IRAG2: variants seen among roughly 807,000 people sequenced by gnomAD.
IRAG2 encodes the protein inositol 1,4,5-triphosphate receptor associated 2.
Under a neutral mutation model 69.9 loss-of-function variants are expected in IRAG2, and 45 were observed. The observed-to-expected ratio is 0.64, with a 90% CI of 0.51 to 0.83. The LOEUF (loss-of-function observed/expected upper bound fraction) is 0.83. Among genes scored for constraint, IRAG2 ranks in the 40% least tolerant of loss-of-function variants. The probability of loss-of-function intolerance (pLI) is 0.00; values close to 1 mark genes in which losing one functional copy is unlikely to be tolerated. For missense variants in IRAG2, 520 were observed against 587.0 expected (o/e 0.89, Z 1.18); for synonymous variants, 193 against 202.4 (o/e 0.95, Z 0.40).
chr12:25,066,604 G>A (rs748059149), intron 5 of IRAG2, 92 bp downstream of exon 5: 1 of 395,954 alleles, frequency 2.5e-6, no homozygotes, highest in African/African-American at 2.1e-5. Context: ...TTCATAACGT[G>A]AGATCACATC....
chr12:25,070,566 A>C (rs1351434642), intron 6 of IRAG2, among the ~76,000 whole-genome samples: 1 of 151,984 alleles, frequency 6.6e-6, no homozygotes, highest in Admixed American at 6.6e-5. Flanking sequence ...AGTTGTTTTT[A>C]CTTTTTGGCT....
intron 1 of IRAG2, among the ~76,000 whole-genome samples, chr12:25,057,476 C>T (rs1052790135): frequency 6.6e-6 from 1 of 152,068 alleles, no homozygotes; most frequent in African/African-American, 2.4e-5. Context: ...CTAGGCTGGT[C>T]TCAAACTCCT....
At chr12:25,030,202 C>T in intron 9 of IRAG2, 2 of 959,752 alleles carry the variant, frequency 2.1e-6, no homozygotes, top group Non-Finnish European at 1.4e-6. Flanking sequence ...AAACATCTTA[C>T]TGGAATGATT....
intron 10 of IRAG2, among the ~76,000 whole-genome samples, chr12:25,087,236 C>T (rs755961952): frequency 6.9e-5 from 9 of 129,968 alleles, no homozygotes; most frequent in East Asian, 4.8e-4. Flanking sequence ...GGCATGATCT[C>T]GGTTCACTGC....
intron 2 of IRAG2, among the ~76,000 whole-genome samples, chr12:25,007,122 C>T (rs1944439396): frequency 6.6e-6 from 1 of 152,080 alleles, no homozygotes; most frequent in Admixed American, 6.6e-5. Context: ...TATGATGAAT[C>T]CTTATGTATT....
chr12:25,006,458 AC>A (rs1944430864), intron 2 of IRAG2: 1 of 152,248 alleles, frequency 6.6e-6, no homozygotes, highest in Admixed American at 6.5e-5. Context: ...AGTAGAAAAG[AC>A]ATGGAATCAA....
upstream of IRAG2, among the ~76,000 whole-genome samples, chr12:25,049,838 C>A (rs992970398): frequency 2.6e-5 from 4 of 151,874 alleles, no homozygotes; most frequent in Admixed American, 6.6e-5. Flanking sequence ...AAAAAATTAG[C>A]CAGGCATAGT....
chr12:25,025,493 T>C (rs1056743115), intron 8 of IRAG2, among the ~76,000 whole-genome samples: 5 of 152,090 alleles, frequency 3.3e-5, no homozygotes, highest in African/African-American at 1.2e-4. Context: ...CTAAGGACTC[T>C]GTCTTTTTTT....
In IRAG2 at chr12:25,106,946, TA is replaced by T; in HGVS notation, c.1155del (p.Asp386MetfsTer11). On this transcript the variant is annotated frameshift_variant, in exon 21 of 22. Coordinates refer to ENST00000556887, the MANE Select transcript of IRAG2 (RefSeq NM_001366544.2). LOFTEE classifies it high-confidence loss of function. Reference protein sequence around the residue: ...AEEEKCELKTKDDSEPSGEET... With the variant: ...AEEEKCELKTXDDSEPSGEET... ...TAAAAACAACATTTATTTACAGAAC[TA>T]AAGATGACTCAGAGCCATCTGGAGA... is the stretch of plus-strand genomic sequence containing the variant. The T allele has an allele frequency of 1.3e-6, 2 of 1,532,398 alleles. No homozygotes were observed. Among genetic ancestry groups the T allele is most frequent in the Non-Finnish European group, 9.0e-7 (1 of 1,116,720 alleles). The allele number at this position is 1,532,398 out of a possible 1,614,324, so 94.9% of individuals were successfully genotyped here.
chr12:25,081,155 C>G (rs1216123850), intron 9 of IRAG2, among the ~76,000 whole-genome samples: 2 of 151,178 alleles, frequency 1.3e-5, no homozygotes, highest in African/African-American at 2.5e-5. Context: ...AATGTGGTCT[C>G]TCTCTCTCTC....
At chr12:25,035,850 G>T in intron 14 of IRAG2, 1 of 398,404 alleles carries the variant, frequency 2.5e-6, no homozygotes, top group Non-Finnish European at 4.4e-6. Flanking sequence ...GCAGATAACT[G>T]ACCTGCAACC....
At chr12:25,084,563 G>T (rs1024783379) in intron 10 of IRAG2, among the ~76,000 whole-genome samples, 3 of 150,836 alleles carry the variant, frequency 2.0e-5, no homozygotes, top group African/African-American at 7.3e-5. Context: ...GTGTGTGTGT[G>T]TGTGTATTAT....
upstream of IRAG2, among the ~76,000 whole-genome samples, chr12:25,051,299 C>T (rs866018834): frequency 6.6e-6 from 1 of 152,176 alleles, no homozygotes; most frequent in Non-Finnish European, 1.5e-5. Context: ...CCATTCTTGC[C>T]TCTCATGTGG....
intron 12 of IRAG2, chr12:25,032,436 G>T (rs910513590): frequency 1.1e-4 from 42 of 398,528 alleles, no homozygotes; most frequent in African/African-American, 8.4e-4. Flanking sequence ...TGGCCCAATT[G>T]AGCTTTGTAT....
rs1180098788 is a variant in IRAG2 at position 25,103,906 on chromosome 12, C to G, written c.996+7C>G. The G allele has an allele frequency of 6.2e-7, 1 of 1,611,702 alleles. No homozygotes were observed. The highest frequency in any genetic ancestry group is 2.2e-5 in the East Asian group (1 of 44,760). Reference sequence around the variant, plus strand: ...TATTGGAAATGCAGGAATGGTAAGACAATTCCTAAGTGTTCTTAGTCAAAG... The same window carrying G: ...TATTGGAAATGCAGGAATGGTAAGAGAATTCCTAAGTGTTCTTAGTCAAAG... On this transcript the variant is annotated splice_region_variant and intron_variant, in intron 18 of 21. Coordinates refer to ENST00000556887, the MANE Select transcript of IRAG2 (RefSeq NM_001366544.2).
intron 6 of IRAG2, among the ~76,000 whole-genome samples, chr12:25,019,976 G>T (rs12814660): frequency 0.27 from 41,585 of 152,044 alleles, 6,192 homozygotes; most frequent in South Asian, 0.48. Flanking sequence ...ACCCCACTAG[G>T]CTATAAACTC....
chr12:25,082,099 T>C (rs919881639), intron 9 of IRAG2, among the ~76,000 whole-genome samples: 3 of 152,162 alleles, frequency 2.0e-5, no homozygotes, highest in African/African-American at 7.2e-5. Flanking sequence ...TCACTATGTT[T>C]CCTAGGCTGG....
chr12:25,077,663 C>T (rs1946922047), intron 6 of IRAG2, among the ~76,000 whole-genome samples: 1 of 151,890 alleles, frequency 6.6e-6, no homozygotes, highest in Non-Finnish European at 1.5e-5. Context: ...AGGATAAGAA[C>T]TGTGTGTTTA....
At chr12:25,077,299 AATATATATGATATATATGATATATATATG>A (rs1946819530) in intron 6 of IRAG2, among the ~76,000 whole-genome samples, 6 of 39,526 alleles carry the variant, frequency 1.5e-4, no homozygotes, top group South Asian at 1.7e-3. Context: ...ATATATATGA[AATATATATGATATATATGATATATATATG>A]ATATATATAT....
Sources: gnomAD v4.1 joint callset for allele counts (sites outside exome capture counted in the v4.1 genomes callset) on GRCh38, gnomAD v4.1.1 for gene constraint, MANE v1.5 for transcripts, NCBI Gene and HGNC (gene_info 2026-07-23, HGNC 2026-07-21) for gene names.